Variants in OTUD4 observed in about 807,000 individuals in gnomAD.
The protein encoded by OTUD4 is OTU deubiquitinase 4.
Under a neutral mutation model 130.4 loss-of-function variants are expected in OTUD4, and 24 were observed. The ratio of observed to expected loss-of-function variants is 0.18; its 90% confidence interval spans 0.13 to 0.26. The LOEUF is 0.26. OTUD4 is among the 10% of genes least tolerant of loss of function. The probability of loss-of-function intolerance (pLI) is 1.00; values close to 1 mark genes in which losing one functional copy is unlikely to be tolerated. For synonymous variants in OTUD4, 420 were observed against 472.5 expected (o/e 0.89, Z 1.44); for missense variants, 1,031 against 1,329.4 (o/e 0.78, Z 3.49).
At chr4:145,160,583 C>T (rs917903095) in intron 6 of OTUD4, among the ~76,000 whole-genome samples, 4 of 152,144 alleles carry the variant, frequency 2.6e-5, no homozygotes, top group South Asian at 2.1e-4. Flanking sequence ...GAGACCAAGG[C>T]GGGCAGATCA....
At chr4:145,159,700 G>A in intron 6 of OTUD4, 65 bp from the exon 7 acceptor site, 1 of 1,466,210 alleles carries the variant, frequency 6.8e-7, no homozygotes, top group Non-Finnish European at 9.5e-7. Context: ...AACAGGAACA[G>A]ACCATCACAT....
intron 6 of OTUD4, among the ~76,000 whole-genome samples, chr4:145,160,069 T>C (rs552855546): frequency 2.4e-4 from 36 of 152,318 alleles, no homozygotes. Flanking sequence ...CTTAGGGATG[T>C]CATACAACAT....
intron 5 of OTUD4, 68 bp from the exon 6 acceptor site, chr4:145,162,789 T>A (rs1751644791): frequency 2.8e-6 from 2 of 711,756 alleles, no homozygotes; most frequent in Non-Finnish European, 4.7e-6. Flanking sequence ...GCAATGTATG[T>A]CTCCAATGCC....
At chr4:145,143,192 T>A (rs1374361866) in intron 17 of OTUD4, among the ~76,000 whole-genome samples, 173 bp downstream of exon 17, 1 of 152,146 alleles carries the variant, frequency 6.6e-6, no homozygotes, top group Non-Finnish European at 1.5e-5. Flanking sequence ...TAGAGAACAT[T>A]CTAGACTAAC....
intron 11 of OTUD4, 67 bp from the exon 12 acceptor site, chr4:145,150,972 A>G: frequency 1.1e-6 from 1 of 894,584 alleles, no homozygotes; most frequent in Non-Finnish European, 1.7e-6. Flanking sequence ...TATTCTGCAT[A>G]TTTATTTTCA....
chr4:145,145,559 G>T (rs1465535585), intron 14 of OTUD4, among the ~76,000 whole-genome samples: 1 of 152,142 alleles, frequency 6.6e-6, no homozygotes, highest in Non-Finnish European at 1.5e-5. Context: ...TCTAAAGAGA[G>T]AAAGTGTCCA....
chr4:145,173,664 A>G (rs1752286611), intron 2 of OTUD4, among the ~76,000 whole-genome samples: 2 of 152,170 alleles, frequency 1.3e-5, no homozygotes, highest in African/African-American at 2.4e-5. Flanking sequence ...GCAAAGTATT[A>G]TATCAACATT....
At chr4:145,147,616 C>T (rs960507491) in intron 13 of OTUD4, among the ~76,000 whole-genome samples, 10 of 152,192 alleles carry the variant, frequency 6.6e-5, no homozygotes, top group African/African-American at 1.9e-4. Context: ...TATTCAGCCA[C>T]AGTATTTCCT....
At chr4:145,175,007 G>A (rs1158193892) in intron 1 of OTUD4, among the ~76,000 whole-genome samples, 1 of 152,106 alleles carries the variant, frequency 6.6e-6, no homozygotes, top group African/African-American at 2.4e-5. Context: ...GGACATTTTT[G>A]TAAATTTAGG....
rs533525945 is a variant in OTUD4, at chr4:145,139,283, T to A, written c.2125-633A>T. On this transcript the variant is annotated intron_variant, in intron 20 of 20. Transcript: ENST00000447906. ...CAGCAGATAGTAAAATAATCAAGTT[T>A]CTTTTTATGAAAGTGGTCAGCAGGC... Among the ~76,000 whole-genome samples, 23 of 152,320 alleles carry A rather than the reference T, an allele frequency of 1.5e-4. No individual in the cohort carries two copies. In the South Asian group the frequency reaches 4.6e-3, roughly 30 times the overall value.
At position 145,164,096 on chromosome 4, in the gene OTUD4, G is replaced by A. The variant is rs1341086444; in HGVS notation, c.414+58C>T. On this transcript the variant is annotated intron_variant, in intron 5 of 20. Transcript: ENST00000447906. The stretch of plus-strand genomic sequence containing the variant: ...TAAAATTATAGCTTATGAGGTCATG[G>A]TAGCAACTAAGCGGTTCTTTTACTT... 1.2e-5 allele frequency: 9 copies of A among 722,954 alleles called. No individual in the cohort carries two copies. The East Asian group carries it at 1.9e-4, about 16-fold the overall frequency. 44.8% of individuals were successfully genotyped at this position (722,954 alleles called of 1,614,324 possible).
intron 13 of OTUD4, among the ~76,000 whole-genome samples, chr4:145,148,347 A>G (rs1180793376): frequency 6.6e-6 from 1 of 152,158 alleles, no homozygotes; most frequent in Non-Finnish European, 1.5e-5. Flanking sequence ...TTAAAATACA[A>G]AATTAGCCAG....
chr4:145,177,247 C>G (rs1752470972), intron 1 of OTUD4, among the ~76,000 whole-genome samples: 1 of 152,182 alleles, frequency 6.6e-6, no homozygotes. Flanking sequence ...CAACAGGTGG[C>G]AAACATAAGT....
chr4:145,166,189 T>C (rs1042556444), intron 3 of OTUD4, among the ~76,000 whole-genome samples: 2 of 151,222 alleles, frequency 1.3e-5, no homozygotes, highest in African/African-American at 4.9e-5. Context: ...GAAAGAAATA[T>C]TGAATAGAAG....
At chr4:145,149,014 T>C (rs967711922) in intron 13 of OTUD4, among the ~76,000 whole-genome samples, 1 of 152,206 alleles carries the variant, frequency 6.6e-6, no homozygotes, top group Admixed American at 6.5e-5. Context: ...TGGATTGAAG[T>C]GTATTTCTCA....
Position 145,138,482 on chromosome 4 carries a change from C to T in OTUD4, c.2293G>A (p.Asp765Asn), listed in dbSNP as rs769612162. Residue 765 changes from aspartate to asparagine, a missense_variant, in exon 21 of 21, where the codon GAT (aspartate) becomes AAT (asparagine). Asp to Asn is a conservative substitution (Grantham distance 23, BLOSUM62 1). Around this residue, in one of 3 missense-constraint regions of OTUD4, gnomAD observed 900 missense variants for 1,095.9 expected, o/e 0.82. Transcript: ENST00000447906. ...AQNESDCTCT[D>N]AHFPMQTEAS... is the part of the protein sequence containing the mutation. ...TCAGTCTGCATAGGAAAGTGGGCAT[C>T]AGTACAGGTACAATCACTTTCATTC... is the stretch of plus-strand genomic sequence containing the variant. The T allele has an allele frequency of 2.5e-6, 4 of 1,613,860 alleles. No individual in the cohort carries two copies. The highest frequency in any genetic ancestry group is 3.4e-6 in the Non-Finnish European group (4 of 1,179,860).
At position 145,138,509 on chromosome 4, in the gene OTUD4, G is replaced by A; in HGVS notation, c.2266C>T (p.Gln756Ter). The change falls in exon 21 of 21, where the codon CAG (glutamine) becomes TAG (stop). Residue 756 changes from glutamine to a stop codon, truncating the protein, a stop_gained. Transcript: ENST00000447906. LOFTEE classifies it high-confidence loss of function. ...GTACAGGTACAATCACTTTCATTCT[G>A]AGCAGCAGGAGCCTCTTGGAACCAG... The part of the protein sequence containing the change: ...NPWFQEAPAA[Q>*]NESDCTCTDA... 1 of 1,614,120 alleles carries A rather than the reference G, an allele frequency of 6.2e-7. No individual in the cohort carries two copies. Among genetic ancestry groups the A allele is most frequent in the Non-Finnish European group, 8.5e-7 (1 of 1,180,018 alleles).
rs141465457 is a variant in OTUD4 at position 145,138,320 on chromosome 4, G to C, written c.2455C>G (p.Pro819Ala). 2 of 1,614,128 alleles carry C rather than the reference G, an allele frequency of 1.2e-6. No homozygotes were observed. Among genetic ancestry groups the C allele is most frequent in the South Asian group, 2.2e-5 (2 of 91,072 alleles). ...SYQADLESETPGQLLHADYEE... is the reference protein window; with the variant it reads ...SYQADLESETAGQLLHADYEE... ...TAATCAGCATGCAGAAGCTGCCCAG[G>C]GGTCTCAGATTCAAGATCAGCCTGG... Residue 819 changes from proline to alanine, a missense_variant, in exon 21 of 21, where the codon CCT (proline) becomes GCT (alanine). This residue lies in a region of OTUD4 where 900 missense variants were observed against 1,095.9 expected (regional missense o/e 0.82). Transcript: ENST00000447906.
chr4:145,153,630 C>T (rs1029437263), intron 10 of OTUD4, among the ~76,000 whole-genome samples: 16 of 152,272 alleles, frequency 1.1e-4, no homozygotes, highest in African/African-American at 1.2e-4. Flanking sequence ...ATTAATATTA[C>T]GCAGTTGTAA....
Sources: gnomAD v4.1 joint callset for allele counts (sites outside exome capture counted in the v4.1 genomes callset) on GRCh38, gnomAD v4.1.1 for gene constraint, gnomAD v4.1.1 regional missense constraint, MANE v1.5 for transcripts, NCBI Gene and HGNC (gene_info 2026-07-23, HGNC 2026-07-21) for gene names.